Variants in COL4A3 observed in about 807,000 individuals in gnomAD.
COL4A3 encodes the protein collagen alpha-3(IV) chain.
A neutral mutation model predicts 217.4 loss-of-function variants in COL4A3; 135 were observed. That is an observed-to-expected ratio of 0.62 (90% CI 0.54 to 0.72). The LOEUF (loss-of-function observed/expected upper bound fraction) is 0.72, where lower values mean the gene tolerates loss of function less well. Ranked by LOEUF, COL4A3 falls within the 30% of genes least tolerant of loss-of-function variation. COL4A3 has a pLI of 0.00. For missense variants in COL4A3, 1,868 were observed against 2,119.9 expected (o/e 0.88, Z 2.33); for synonymous variants, 690 against 736.3 (o/e 0.94, Z 1.02).
chr2:227,202,762 T>TC (rs1252630456), intron 1 of COL4A3, among the ~76,000 whole-genome samples: 4 of 135,762 alleles, frequency 2.9e-5, no homozygotes, highest in African/African-American at 1.1e-4. Context: ...TATATATATA[T>TC]ATATATATAT....
At chr2:227,246,267 T>G in intron 6 of COL4A3, 1 of 555,626 alleles carries the variant, frequency 1.8e-6, no homozygotes, top group Admixed American at 3.0e-5. Context: ...CATCTGAGGC[T>G]GTGTGTATAA....
intron 1 of COL4A3, among the ~76,000 whole-genome samples, chr2:227,202,434 C>T (rs115633544): frequency 0.14 from 21,706 of 151,758 alleles, 1,662 homozygotes; most frequent in Non-Finnish European, 0.16. Context: ...TGCTGGTATG[C>T]GGGTATTTTT....
At chr2:227,235,332 A>G (rs1348807942) in intron 1 of COL4A3, among the ~76,000 whole-genome samples, 2 of 152,242 alleles carry the variant, frequency 1.3e-5, no homozygotes, top group African/African-American at 4.8e-5. Context: ...TAGTCAAGAC[A>G]TGACTTCATG....
intron 29 of COL4A3, 127 bp downstream of exon 29, chr2:227,280,017 T>C: frequency 3.0e-6 from 2 of 658,344 alleles, no homozygotes. Context: ...ATGATGAAGA[T>C]ATTAAATTTT....
At chr2:227,166,809 C>T (rs868274899) in intron 1 of COL4A3, among the ~76,000 whole-genome samples, 4 of 152,150 alleles carry the variant, frequency 2.6e-5, no homozygotes, top group African/African-American at 9.7e-5. Context: ...CACTGATAAT[C>T]GGGCAATGTG....
chr2:227,216,306 T>C (rs2067526569), intron 1 of COL4A3, among the ~76,000 whole-genome samples: 1 of 152,196 alleles, frequency 6.6e-6, no homozygotes, highest in Non-Finnish European at 1.5e-5. Flanking sequence ...TTGTAAAATG[T>C]ACTGACTGGG....
At chr2:227,285,005 T>C (rs988049317) in intron 34 of COL4A3, among the ~76,000 whole-genome samples, 8 of 152,116 alleles carry the variant, frequency 5.3e-5, no homozygotes, top group Non-Finnish European at 1.2e-4. Context: ...TGCAGTCTTC[T>C]TGACCAAATG....
rs573532313 is a variant in COL4A3, at chr2:227,240,270, C to A, written c.234+38C>A. The A allele has an allele frequency of 9.8e-5, 153 of 1,562,114 alleles. 1 individual carries two copies. The South Asian group carries it at 1.7e-3, about 18-fold the overall frequency. On this transcript the variant is annotated intron_variant, in intron 3 of 51. Coordinates refer to ENST00000396578, the MANE Select transcript of COL4A3 (RefSeq NM_000091.5). The stretch of plus-strand genomic sequence containing the variant: ...GCAAGCTTGGAAAATCCCCAACCCA[C>A]CTAACCCTCTTCCTGCCTACCCCCT...
intron 2 of COL4A3, among the ~76,000 whole-genome samples, chr2:227,239,164 A>G (rs753261597): frequency 2.0e-5 from 3 of 152,232 alleles, no homozygotes; most frequent in Non-Finnish European, 4.4e-5. Flanking sequence ...AATCCTCAGA[A>G]TCAACCAATG....
chr2:227,262,647 G>C (rs1463181258), intron 20 of COL4A3, among the ~76,000 whole-genome samples: 1 of 152,090 alleles, frequency 6.6e-6, no homozygotes, highest in African/African-American at 2.4e-5. Context: ...GTGTGTGTGT[G>C]GCTACCGCAA....
rs2069701106 is a variant in COL4A3, at chr2:227,250,887, C to CA, written c.547-249dup. Among the ~76,000 whole-genome samples, 3 of 152,042 alleles carry CA rather than the reference C, an allele frequency of 2.0e-5. No individual in the cohort carries two copies. The highest frequency in any genetic ancestry group is 2.9e-5 in the Non-Finnish European group (2 of 68,010). On this transcript the variant is annotated intron_variant, in intron 9 of 51. Transcript: ENST00000396578. The surrounding 1 kb of genome is among the most constrained non-coding windows in gnomAD (Gnocchi z 4.1). Reference sequence around the variant, plus strand: ...AAAGAGGTGGGAAGAAAGAGAAAAGCAAAATTTTGAAACGTCTGAAGTAAA... The same window carrying CA: ...AAAGAGGTGGGAAGAAAGAGAAAAGCAAAAATTTTGAAACGTCTGAAGTAAA...
At chr2:227,210,560 AG>A (rs1197141394) in intron 1 of COL4A3, among the ~76,000 whole-genome samples, 1 of 152,226 alleles carries the variant, frequency 6.6e-6, no homozygotes, top group African/African-American at 2.4e-5. Flanking sequence ...ACTGCACACC[AG>A]CCTGGGTGAC....
chr2:227,255,938 G>A, intron 15 of COL4A3, 88 bp from the exon 16 acceptor site: 2 of 1,331,368 alleles, frequency 1.5e-6, no homozygotes, highest in Non-Finnish European at 2.1e-6. Context: ...GAGGTCAAGA[G>A]GAGATGATCA....
At position 227,164,916 on chromosome 2, in the gene COL4A3, C is replaced by T. The variant is rs2065166301; in HGVS notation, c.87+103C>T. The T allele has an allele frequency of 2.3e-6, 3 of 1,328,900 alleles. No individual in the cohort carries two copies. Among genetic ancestry groups the T allele is most frequent in the Admixed American group, 6.8e-5 (2 of 29,538 alleles). 82.3% of individuals were successfully genotyped at this position (1,328,900 alleles called of 1,614,324 possible). On this transcript the variant is annotated intron_variant, in intron 1 of 51. Coordinates refer to ENST00000396578, the MANE Select transcript of COL4A3 (RefSeq NM_000091.5). This position sits in a 1 kb window ranked among gnomAD's most constrained non-coding sequence, Gnocchi z 4.8. ...CCGCAGCGGCGCGGTAGTGGAGCGG[C>T]TGCCGGGCTAGTGGCGAGGCTGAGG...
intron 50 of COL4A3, among the ~76,000 whole-genome samples, chr2:227,310,015 C>G (rs565505122): frequency 6.6e-6 from 1 of 152,288 alleles, no homozygotes; most frequent in Non-Finnish European, 1.5e-5. Flanking sequence ...CTATCATTTA[C>G]AGTTTTACAA....
intron 21 of COL4A3, 91 bp downstream of exon 21, chr2:227,264,035 C>G: frequency 6.9e-7 from 1 of 1,449,842 alleles, no homozygotes. Context: ...CACAGCTTAG[C>G]CATCAGTCTG....
rs933313440 is a variant in COL4A3 at position 227,165,000 on chromosome 2, G to T, written c.87+187G>T. On this transcript the variant is annotated intron_variant, in intron 1 of 51. Transcript: ENST00000396578. The surrounding 1 kb of genome is among the most constrained non-coding windows in gnomAD (Gnocchi z 4.8). ...GAAGGGAGCAAGCGGGGATGCCCCG[G>T]AACAGGTGGAATGCGCGGGGCTGGG... is the stretch of plus-strand genomic sequence containing the variant. 1.3e-5 allele frequency among the ~76,000 whole-genome samples: 2 copies of T among 152,216 alleles called. No homozygotes were observed. The highest frequency in any genetic ancestry group is 2.9e-5 in the Non-Finnish European group (2 of 68,026).
rs775374990 is a variant in COL4A3, at chr2:227,282,565, AT to A, written c.2656+36del. 1 of 1,602,014 alleles carries A rather than the reference AT, an allele frequency of 6.2e-7. No individual in the cohort carries two copies. The highest frequency in any genetic ancestry group is 1.1e-5 in the South Asian group (1 of 90,798). On this transcript the variant is annotated intron_variant, in intron 32 of 51. Coordinates refer to ENST00000396578, the MANE Select transcript of COL4A3 (RefSeq NM_000091.5). The surrounding 1 kb of genome is among the most constrained non-coding windows in gnomAD (Gnocchi z 4.4). ...TTTGTGTGTTTCTATTTTTCTTCTTATTTCTTCTTCTTCTTAAGGTGGCTCT... is the reference window on the plus strand; with the variant it reads ...TTTGTGTGTTTCTATTTTTCTTCTTATTCTTCTTCTTCTTAAGGTGGCTCT...
At chr2:227,297,993 G>T in intron 42 of COL4A3, 134 bp downstream of exon 42, 2 of 1,021,744 alleles carry the variant, frequency 2.0e-6, no homozygotes, top group Non-Finnish European at 3.0e-6. Flanking sequence ...ACTACCTGTG[G>T]TTCCCATACC....
Sources: allele counts gnomAD v4.1 joint callset (sites outside exome capture counted in the v4.1 genomes callset), GRCh38; gene constraint gnomAD v4.1.1; non-coding constraint Gnocchi (gnomAD v3.1); transcripts MANE v1.5; gene names NCBI Gene and HGNC (gene_info 2026-07-23, HGNC 2026-07-21).